The following UBAP2 variants were observed in gnomAD, a reference collection of about 807,000 sequenced individuals.
UBAP2 encodes the protein ubiquitin associated protein 2.
In UBAP2, 75 loss-of-function variants were observed where a neutral mutation model predicts 139.6. The observed-to-expected ratio is 0.54, with a 90% CI of 0.45 to 0.65. UBAP2 has a LOEUF of 0.65. UBAP2 is among the 30% of genes least tolerant of loss of function. The probability of loss-of-function intolerance (pLI) is 0.00; values close to 1 mark genes in which losing one functional copy is unlikely to be tolerated. For missense variants in UBAP2, 1,368 were observed against 1,369.6 expected (o/e 1.00, Z 0.02); for synonymous variants, 526 against 526.2 (o/e 1.00, Z 0.01).
rs200919379 is a variant in UBAP2, at chr9:33,922,643, C to T, written c.3264+44G>A. The T allele has an allele frequency of 3.2e-4, 503 of 1,594,930 alleles. 5 individuals are homozygous for T. The East Asian group carries it at 0.011, about 35-fold the overall frequency. The stretch of plus-strand genomic sequence containing the variant: ...GAAGGCTGTCAAGGCTGGAGCAGAA[C>T]CCCTGGCCCAGAGTAGGGTGGCTGC... On this transcript the variant is annotated intron_variant, in intron 28 of 28. Coordinates refer to ENST00000379238, the MANE Select transcript of UBAP2 (RefSeq NM_001370062.2).
At chr9:34,047,418 C>T (rs1373664695) in intron 1 of UBAP2, among the ~76,000 whole-genome samples, 2 of 152,148 alleles carry the variant, frequency 1.3e-5, no homozygotes, top group African/African-American at 4.8e-5. Flanking sequence ...GAATACATTC[C>T]CTTTCCTGAG....
chr9:34,010,392 C>G (rs1823646668), intron 2 of UBAP2, among the ~76,000 whole-genome samples: 1 of 143,172 alleles, frequency 7.0e-6, no homozygotes, highest in Admixed American at 7.2e-5. Context: ...CCACTGCACT[C>G]CAGCCTAGGC....
chr9:33,924,150 C>T lies in UBAP2; in HGVS notation c.2590+56G>A. 3 of 1,603,610 alleles carry T rather than the reference C, an allele frequency of 1.9e-6. No homozygotes were observed. In the South Asian group the frequency reaches 3.3e-5, roughly 18 times the overall value. On this transcript the variant is annotated intron_variant, in intron 23 of 28. Coordinates refer to ENST00000379238, the MANE Select transcript of UBAP2 (RefSeq NM_001370062.2). ...GCTTGCTGTTGCTGCTTCCCAGCTC[C>T]TGGAGTTCGCGCTAGGCCGGCCCCG...
chr9:34,018,966 T>C (rs955206843), intron 1 of UBAP2, among the ~76,000 whole-genome samples: 6 of 152,150 alleles, frequency 3.9e-5, no homozygotes, highest in South Asian at 4.1e-4. Flanking sequence ...TGTCCATCAA[T>C]AGATGAATGG....
chr9:33,934,621 T>C (rs1412099565), intron 17 of UBAP2, among the ~76,000 whole-genome samples: 2 of 152,226 alleles, frequency 1.3e-5, no homozygotes, highest in East Asian at 1.9e-4. Context: ...CATACCGCCC[T>C]GGGCCTTGTA....
chr9:34,013,618 T>TTTAA (rs1823967283), intron 2 of UBAP2, among the ~76,000 whole-genome samples: 2 of 152,260 alleles, frequency 1.3e-5, no homozygotes, highest in East Asian at 3.9e-4. Flanking sequence ...AACTCATGCC[T>TTTAA]TTAATCCCAG....
Position 33,922,959 on chromosome 9 carries a change from C to T in UBAP2, c.3072+7G>A. The T allele has an allele frequency of 1.9e-6, 3 of 1,614,172 alleles. No homozygotes were observed. The highest frequency in any genetic ancestry group is 1.7e-6 in the Non-Finnish European group (2 of 1,180,024). ...ACCTATACACCCAACCCACCTTTGT[C>T]CCTCACCTGTGTCTTATTGTAGACA... On this transcript the variant is annotated splice_region_variant and intron_variant, in intron 27 of 28. Coordinates refer to ENST00000379238, the MANE Select transcript of UBAP2 (RefSeq NM_001370062.2).
chr9:33,937,262 G>A lies in UBAP2; in HGVS notation c.1930-1384C>T, dbSNP rs540240152. ...TCTGACAAAGGTTCAATTTAACTGC[G>A]TCTGGGGTGTAAATAAGTAAAATTA... On this transcript the variant is annotated intron_variant, in intron 16 of 28. Coordinates refer to ENST00000379238, the MANE Select transcript of UBAP2 (RefSeq NM_001370062.2). Among the ~76,000 whole-genome samples the A allele has an allele frequency of 5.9e-5, 9 of 152,204 alleles. No homozygotes were observed. The South Asian group carries it at 6.2e-4, about 10-fold the overall frequency.
At chr9:33,923,126 G>A (rs550449130) in intron 26 of UBAP2, 60 bp downstream of exon 26, 4 of 1,607,080 alleles carry the variant, frequency 2.5e-6, no homozygotes, top group African/African-American at 1.3e-5. Context: ...TGCCTGAGAG[G>A]GGATCAGGCA....
intron 17 of UBAP2, 117 bp from the exon 18 acceptor site, chr9:33,933,745 A>G (rs1244857579): frequency 3.5e-6 from 5 of 1,420,520 alleles, no homozygotes; most frequent in Middle Eastern, 2.3e-4. Flanking sequence ...AGACGTCCAT[A>G]AAGTTACATT....
At chr9:34,026,752 G>A (rs1825431749) in intron 1 of UBAP2, among the ~76,000 whole-genome samples, 1 of 152,152 alleles carries the variant, frequency 6.6e-6, no homozygotes, top group Non-Finnish European at 1.5e-5. Context: ...TTTACAGAGA[G>A]GAAACTAAGA....
chr9:33,979,590 A>G (rs530525399), intron 6 of UBAP2, among the ~76,000 whole-genome samples: 4 of 152,030 alleles, frequency 2.6e-5, no homozygotes, highest in Non-Finnish European at 5.9e-5. Context: ...AAATAAAAAT[A>G]AAAAATAACT....
At chr9:33,950,341 G>A (rs1249133531) in intron 12 of UBAP2, among the ~76,000 whole-genome samples, 1 of 152,124 alleles carries the variant, frequency 6.6e-6, no homozygotes, top group Admixed American at 6.5e-5. Context: ...AAAGTGCTGG[G>A]ATTACAGGCA....
chr9:33,948,181 GAAC>G (rs1261543371), intron 13 of UBAP2, among the ~76,000 whole-genome samples, 190 bp downstream of exon 13: 2 of 151,930 alleles, frequency 1.3e-5, no homozygotes, highest in Admixed American at 6.6e-5. Context: ...AAACTATCAA[GAAC>G]AACAACAAAA....
intron 2 of UBAP2, among the ~76,000 whole-genome samples, chr9:34,016,370 C>CGGT (rs74180522): frequency 0.013 from 1,193 of 93,638 alleles, 26 homozygotes; most frequent in African/African-American, 0.045. Context: ...GCGGCAGCGG[C>CGGT]GGTGGTGGTG....
chr9:33,989,302 C>CA (rs1821492066), intron 4 of UBAP2, among the ~76,000 whole-genome samples, 176 bp from the exon 5 acceptor site: 1 of 151,200 alleles, frequency 6.6e-6, no homozygotes, highest in South Asian at 2.1e-4. Flanking sequence ...CCCAGGTTCA[C>CA]AACATTCTCC....
Position 33,923,214 on chromosome 9 carries a change from G to GT in UBAP2, c.2975dup (p.Asn992LysfsTer23). On this transcript the variant is annotated frameshift_variant, in exon 26 of 29. Coordinates refer to ENST00000379238, the MANE Select transcript of UBAP2 (RefSeq NM_001370062.2). LOFTEE classifies it high-confidence loss of function. ...TGCCAGGCCCAGAACCTGCAGACTT[G>GT]TTTGGTGCCTGCGATGATCCAGCAT... The GT allele has an allele frequency of 6.2e-7, 1 of 1,614,218 alleles. No homozygotes were observed. Among genetic ancestry groups the GT allele is most frequent in the Non-Finnish European group, 8.5e-7 (1 of 1,180,032 alleles).
intron 6 of UBAP2, among the ~76,000 whole-genome samples, chr9:33,975,268 A>T (rs191481309): frequency 1.9e-3 from 283 of 151,426 alleles, no homozygotes; most frequent in Middle Eastern, 3.5e-3. Flanking sequence ...CGTCTTTATT[A>T]AAAAAATGCA....
At chr9:33,950,795 A>G (rs1185829382) in intron 12 of UBAP2, among the ~76,000 whole-genome samples, 1 of 152,242 alleles carries the variant, frequency 6.6e-6, no homozygotes, top group Non-Finnish European at 1.5e-5. Flanking sequence ...CACTGAATCA[A>G]TGACTACTGC....
Sources: gnomAD v4.1 joint callset for allele counts (sites outside exome capture counted in the v4.1 genomes callset) on GRCh38, gnomAD v4.1.1 for gene constraint, MANE v1.5 for transcripts, NCBI Gene and HGNC (gene_info 2026-07-23, HGNC 2026-07-21) for gene names.